The following ROBO1 variants were observed in gnomAD, a reference collection of about 807,000 sequenced individuals.
ROBO1 encodes the protein roundabout guidance receptor 1.
ROBO1 carries 149 observed loss-of-function variants against 195.9 expected under a neutral mutation model. The observed-to-expected ratio is 0.76, with a 90% confidence interval of 0.67 to 0.87. ROBO1 has a LOEUF of 0.87. Ranked by LOEUF, ROBO1 falls within the 40% of genes least tolerant of loss-of-function variation. The pLI is 0.00. For synonymous variants in ROBO1, 816 were observed against 733.2 expected (o/e 1.11, Z -1.82); for missense variants, 1,933 against 2,068.3 (o/e 0.93, Z 1.27).
chr3:79,017,619 T>C (rs1341433662), intron 3 of ROBO1, among the ~76,000 whole-genome samples: 1 of 152,064 alleles, frequency 6.6e-6, no homozygotes, highest in African/African-American at 2.4e-5. Context: ...TGAAAACTAT[T>C]TACAAGTGTA....
intron 2 of ROBO1, among the ~76,000 whole-genome samples, chr3:79,498,010 A>G (rs1449618692): frequency 6.6e-6 from 1 of 151,654 alleles, no homozygotes; most frequent in Non-Finnish European, 1.5e-5. Flanking sequence ...TTGCTGAGCA[A>G]TGTTACCTAA....
chr3:79,399,768 C>G (rs539050769), intron 2 of ROBO1, among the ~76,000 whole-genome samples: 35 of 152,160 alleles, frequency 2.3e-4, no homozygotes, highest in South Asian at 1.2e-3. Context: ...TTGCGTTGAG[C>G]GTAAATGAAA....
At chr3:79,587,215 CA>C (rs1943857436) in intron 2 of ROBO1, among the ~76,000 whole-genome samples, 1 of 150,222 alleles carries the variant, frequency 6.7e-6, no homozygotes, top group African/African-American at 2.4e-5. Flanking sequence ...TACAGGGAGA[CA>C]AAATGAAAAA....
chr3:78,911,140 TGTAA>T (rs1206507836), intron 4 of ROBO1, among the ~76,000 whole-genome samples: 1 of 151,972 alleles, frequency 6.6e-6, no homozygotes, highest in Non-Finnish European at 1.5e-5. Flanking sequence ...TCCAATAATG[TGTAA>T]GTAACAGAAG....
chr3:79,160,868 A>G (rs528792205), intron 2 of ROBO1, among the ~76,000 whole-genome samples: 3 of 152,054 alleles, frequency 2.0e-5, no homozygotes, highest in Non-Finnish European at 2.9e-5. Context: ...CACCCCCCCA[A>G]CCTCAAGTAG....
At chr3:79,172,452 G>T (rs2081184649) in intron 2 of ROBO1, among the ~76,000 whole-genome samples, 1 of 152,132 alleles carries the variant, frequency 6.6e-6, no homozygotes, top group Admixed American at 6.5e-5. Flanking sequence ...CTGGAAAGTT[G>T]CTCTTCCTGG....
intron 3 of ROBO1, among the ~76,000 whole-genome samples, chr3:79,020,418 G>T (rs1327272755): frequency 1.3e-5 from 2 of 152,162 alleles, no homozygotes; most frequent in Non-Finnish European, 1.5e-5. Context: ...GTGGCCAGGC[G>T]CTGTGGCTCA....
At chr3:79,486,882 A>C (rs187530487) in intron 2 of ROBO1, among the ~76,000 whole-genome samples, 1 of 152,276 alleles carries the variant, frequency 6.6e-6, no homozygotes, top group African/African-American at 2.4e-5. Context: ...CCTCTCTACT[A>C]GGAAGGACAA....
At chr3:79,275,512 A>C (rs904914237) in intron 2 of ROBO1, among the ~76,000 whole-genome samples, 2 of 152,026 alleles carry the variant, frequency 1.3e-5, no homozygotes, top group African/African-American at 4.8e-5. Context: ...TAGCAGACCC[A>C]TAGCTGGTAT....
chr3:78,759,274 T>A (rs2083027584), intron 4 of ROBO1: 1 of 152,100 alleles, frequency 6.6e-6, no homozygotes, highest in Non-Finnish European at 1.5e-5. Context: ...GGGGAAAACA[T>A]GTAAAGTGGT....
At chr3:79,440,905 T>C (rs2039031867) in intron 2 of ROBO1, among the ~76,000 whole-genome samples, 1 of 152,080 alleles carries the variant, frequency 6.6e-6, no homozygotes, top group Non-Finnish European at 1.5e-5. Flanking sequence ...CTCTATTCTA[T>C]TTTCATAGAC....
chr3:78,801,328 A>AG, intron 4 of ROBO1, among the ~76,000 whole-genome samples: 1 of 152,330 alleles, frequency 6.6e-6, no homozygotes, highest in Non-Finnish European at 1.5e-5. Flanking sequence ...TTAAAAATAT[A>AG]GGATACTTTG....
chr3:79,733,114 A>G (rs1703223787), intron 1 of ROBO1, among the ~76,000 whole-genome samples: 1 of 152,120 alleles, frequency 6.6e-6, no homozygotes, highest in South Asian at 2.1e-4. Flanking sequence ...AGTCTTTTCC[A>G]TCTCCAATCG....
At chr3:79,732,385 T>G (rs991333833) in intron 1 of ROBO1, among the ~76,000 whole-genome samples, 4 of 152,064 alleles carry the variant, frequency 2.6e-5, no homozygotes, top group African/African-American at 9.7e-5. Flanking sequence ...TAAAATTATT[T>G]TCTTAAATTG....
At chr3:78,892,958 TC>T (rs2036993888) in intron 4 of ROBO1, among the ~76,000 whole-genome samples, 1 of 152,168 alleles carries the variant, frequency 6.6e-6, no homozygotes, top group Non-Finnish European at 1.5e-5. Context: ...TGACCTTTGT[TC>T]TTTCTCCCAC....
intron 3 of ROBO1, among the ~76,000 whole-genome samples, chr3:79,001,111 G>C (rs2077493213): frequency 6.6e-6 from 1 of 151,922 alleles, no homozygotes; most frequent in Non-Finnish European, 1.5e-5. Flanking sequence ...TCACACACCG[G>C]GGCCTGTCAG....
At chr3:79,317,471 A>G (rs1260658079) in intron 2 of ROBO1, among the ~76,000 whole-genome samples, 1 of 152,140 alleles carries the variant, frequency 6.6e-6, no homozygotes, top group Non-Finnish European at 1.5e-5. Flanking sequence ...AAACTCATCA[A>G]TCAGATCATA....
At chr3:79,260,925 A>G (rs1291576582) in intron 2 of ROBO1, among the ~76,000 whole-genome samples, 1 of 152,144 alleles carries the variant, frequency 6.6e-6, no homozygotes, top group African/African-American at 2.4e-5. Context: ...GCTCAATTCT[A>G]TATTTAATTT....
At chr3:79,385,634 T>A (rs2036715562) in intron 2 of ROBO1, among the ~76,000 whole-genome samples, 1 of 152,110 alleles carries the variant, frequency 6.6e-6, no homozygotes, top group Non-Finnish European at 1.5e-5. Flanking sequence ...CTAACACCCC[T>A]AGGCTGAATG....
Sources: gnomAD v4.1 joint callset for allele counts (sites outside exome capture counted in the v4.1 genomes callset) on GRCh38, gnomAD v4.1.1 for gene constraint, MANE v1.5 for transcripts, NCBI Gene and HGNC (gene_info 2026-07-23, HGNC 2026-07-21) for gene names.